NHLRC3: variants seen among roughly 807,000 people sequenced by gnomAD.
NHLRC3 encodes the protein NHL repeat containing 3.
In NHLRC3, 23 loss-of-function variants were observed where a neutral mutation model predicts 32.0. The ratio of observed to expected loss-of-function variants is 0.72; its 90% CI spans 0.52 to 1.02. The LOEUF is 1.02. Among genes scored for constraint, NHLRC3 ranks in the 50% least tolerant of loss-of-function variants. NHLRC3 has a pLI of 0.00. For missense variants in NHLRC3, 407 were observed against 406.8 expected, an observed-to-expected ratio of 1.00 and a Z score of -0.01; for synonymous variants, 159 against 147.9, an observed-to-expected ratio of 1.08 and a Z score of -0.55.
chr13:39,039,269 G>A lies in NHLRC3; in HGVS notation c.218G>A (p.Gly73Glu), dbSNP rs572098997. 2.5e-6 allele frequency: 4 copies of A among 1,613,968 alleles called. No individual in the cohort carries two copies. The highest frequency in any genetic ancestry group is 3.4e-6 in the Non-Finnish European group (4 of 1,179,862). Residue 73 changes from glycine to glutamate, a missense_variant, in exon 2 of 7, where the codon GGA (glycine) becomes GAA (glutamate). Physicochemically the swap from Gly to Glu is moderately conservative, Grantham distance 98. Coordinates refer to ENST00000379600, the MANE Select transcript of NHLRC3 (RefSeq NM_001012754.4). ...TGTGTTGCAGTTGACTCCCTCAATG[G>A]ATTGGTTTACATAGGTCAAGTAAGT... Reference protein sequence around the residue: ...TFCVAVDSLNGLVYIGQRGDN... With the variant: ...TFCVAVDSLNELVYIGQRGDN...
chr13:39,038,847 A>G (rs916064663), intron 1 of NHLRC3, 124 bp downstream of exon 1: 24 of 844,318 alleles, frequency 2.8e-5, no homozygotes, highest in South Asian at 2.8e-5. Context: ...CAAAGCCTGC[A>G]CCTGGGTCCA....
chr13:39,043,188 T>C (rs1456481321), intron 4 of NHLRC3, among the ~76,000 whole-genome samples: 7 of 150,108 alleles, frequency 4.7e-5, no homozygotes, highest in Non-Finnish European at 1.0e-4. Flanking sequence ...GAAAGGGAAA[T>C]GTAGAATAAG....
intron 2 of NHLRC3, 76 bp from the exon 3 acceptor site, chr13:39,039,484 GTTAT>G (rs1566032270): frequency 2.3e-6 from 3 of 1,328,812 alleles, no homozygotes; most frequent in Non-Finnish European, 3.1e-6. Context: ...AAAATTCTCA[GTTAT>G]TTTTTTTCTT....
At chr13:39,039,039 C>T (rs1029910617) in intron 1 of NHLRC3, 97 bp from the exon 2 acceptor site, 1 of 963,804 alleles carries the variant, frequency 1.0e-6, no homozygotes, top group East Asian at 2.4e-5. Context: ...GTTGTCAAGG[C>T]ATGCTTAAAA....
rs1871486900 is a variant in NHLRC3 at position 39,042,097 on chromosome 13, C to T, written c.386-8C>T. The T allele has an allele frequency of 6.6e-7, 1 of 1,523,818 alleles. No homozygotes were observed. Among genetic ancestry groups the T allele is most frequent in the Admixed American group, 1.7e-5 (1 of 59,784 alleles). 94.4% of individuals were successfully genotyped at this position (1,523,818 alleles called of 1,614,324 possible). On this transcript the variant is annotated splice_polypyrimidine_tract_variant and splice_region_variant and intron_variant, in intron 3 of 6. Coordinates refer to ENST00000379600, the MANE Select transcript of NHLRC3 (RefSeq NM_001012754.4). ...TTATTTGTGAGATGTACATATCTATCTTTATAGGATTCTTTGGTCATACTG... is the reference window on the plus strand; with the variant it reads ...TTATTTGTGAGATGTACATATCTATTTTTATAGGATTCTTTGGTCATACTG...
At chr13:39,047,537 TA>T in intron 6 of NHLRC3, 136 bp from the exon 7 acceptor site, 1 of 646,008 alleles carries the variant, frequency 1.5e-6, no homozygotes, top group Non-Finnish European at 2.6e-6. Context: ...TAGATCAAAT[TA>T]AAATTCTTCT....
intron 5 of NHLRC3, among the ~76,000 whole-genome samples, chr13:39,045,029 G>GTCTTGA (rs1290451527): frequency 2.0e-5 from 3 of 152,128 alleles, no homozygotes; most frequent in Non-Finnish European, 4.4e-5. Flanking sequence ...ATGACTAAAT[G>GTCTTGA]TCTTGACACA....
upstream of NHLRC3, chr13:39,038,319 G>A (rs575792886): frequency 2.5e-6 from 1 of 392,276 alleles, no homozygotes; most frequent in East Asian, 5.0e-5. Flanking sequence ...CCATACTTTG[G>A]TGGCCACTGA....
In NHLRC3 at chr13:39,038,475, C is replaced by A; in HGVS notation, c.-165C>A. ...ATTTTCATTCGCCCTGGTCTCTGTT[C>A]CCTTTCGTACTCAAAGCTCGTGCAT... is the stretch of plus-strand genomic sequence containing the variant. On this transcript the variant is annotated 5_prime_UTR_variant, in exon 1 of 7. Coordinates refer to ENST00000379600, the MANE Select transcript of NHLRC3 (RefSeq NM_001012754.4). 1.5e-6 allele frequency: 1 copy of A among 650,782 alleles called. No individual in the cohort carries two copies. Among genetic ancestry groups the A allele is most frequent in the Non-Finnish European group, 2.8e-6 (1 of 361,258 alleles). 40.3% of individuals were successfully genotyped at this position (650,782 alleles called of 1,614,324 possible).
chr13:39,040,666 A>G lies in NHLRC3; in HGVS notation c.385+955A>G, dbSNP rs544443089. 3.9e-5 allele frequency: 6 copies of G among 152,334 alleles called. No individual in the cohort carries two copies. In the South Asian group the frequency reaches 1.2e-3, roughly 32 times the overall value. The allele number at this position is 152,334 out of a possible 1,614,324, so 9.4% of individuals were successfully genotyped here. On this transcript the variant is annotated intron_variant, in intron 3 of 6. Transcript: ENST00000379600. ...CATTACCCTAGGAATTCAGGAAGAA[A>G]TGGGATTATAAAGACATTATTTCTA...
At chr13:39,046,097 A>G (rs899549851) in intron 5 of NHLRC3, among the ~76,000 whole-genome samples, 1 of 152,190 alleles carries the variant, frequency 6.6e-6, no homozygotes, top group African/African-American at 2.4e-5. Flanking sequence ...TGGGAGGCCA[A>G]GGTGGGCAGA....
In NHLRC3 at chr13:39,049,536, C is replaced by T. The variant is rs538419190; in HGVS notation, c.*1610C>T. 2.4e-4 allele frequency: 37 copies of T among 152,350 alleles called. No homozygotes were observed. Among genetic ancestry groups the T allele is most frequent in the African/African-American group, 8.7e-4 (36 of 41,586 alleles). 9.4% of individuals were successfully genotyped at this position (152,350 alleles called of 1,614,324 possible). A position where few individuals can be genotyped will look rare whatever the true frequency, so the allele number is the denominator to read the frequency against. On this transcript the variant is annotated 3_prime_UTR_variant, in exon 7 of 7. Transcript: ENST00000379600. ...GGATACATTAGAGGCATTTTATTAA[C>T]AAAGGCCCTTCTAAATGTGCTATTT...
At chr13:39,043,279 C>T (rs1871532192) in intron 4 of NHLRC3, among the ~76,000 whole-genome samples, 1 of 152,182 alleles carries the variant, frequency 6.6e-6, no homozygotes, top group African/African-American at 2.4e-5. Context: ...TATTAGTTTC[C>T]TGTGGTTGCC....
At chr13:39,040,952 A>G (rs11842216) in intron 3 of NHLRC3, 27 of 152,212 alleles carry the variant, frequency 1.8e-4, no homozygotes, top group African/African-American at 6.5e-4. Flanking sequence ...TTAATACTAT[A>G]ATGAGAGTCT....
At chr13:39,047,565 C>A in intron 6 of NHLRC3, 109 bp from the exon 7 acceptor site, 1 of 731,462 alleles carries the variant, frequency 1.4e-6, no homozygotes, top group Non-Finnish European at 2.2e-6. Flanking sequence ...AATCATTCAG[C>A]AAGTAGGTGC....
rs1025086821 is a variant in NHLRC3, at chr13:39,041,855, A to G, written c.386-250A>G. 1.9e-5 allele frequency: 8 copies of G among 413,582 alleles called. No individual in the cohort carries two copies. In the South Asian group the frequency reaches 2.8e-4, roughly 15 times the overall value. 25.6% of individuals were successfully genotyped at this position (413,582 alleles called of 1,614,324 possible). On this transcript the variant is annotated intron_variant, in intron 3 of 6. Transcript: ENST00000379600. Reference sequence around the variant, plus strand: ...TCTGAGTTTCCTGTATAATGAGTCAATTATGGGGATGTTATTTATTTGAAT... The same window carrying G: ...TCTGAGTTTCCTGTATAATGAGTCAGTTATGGGGATGTTATTTATTTGAAT...
At chr13:39,046,279 A>G (rs1218557430) in intron 5 of NHLRC3, among the ~76,000 whole-genome samples, 1 of 152,168 alleles carries the variant, frequency 6.6e-6, no homozygotes, top group Admixed American at 6.5e-5. Context: ...AGACTGCGCC[A>G]CTGCACTCCA....
rs199618630 is a variant in NHLRC3, at chr13:39,038,707, G to T, written c.68G>T (p.Arg23Leu). Residue 23 changes from arginine (R) to leucine (L), a missense_variant, in exon 1 of 7, where the codon CGT becomes CTT. Arg to Leu is a moderately radical substitution (Grantham distance 102). Coordinates refer to ENST00000379600, the MANE Select transcript of NHLRC3 (RefSeq NM_001012754.4). ...FFLAFLVLHS[R>L]FCGSPVLRNF... is the part of the protein sequence containing the mutation. ...CTTGCATTTTTGGTTTTGCATTCGC[G>T]TTTTTGTGGCTCTCCAGTGAGTTGG... 3.0e-5 allele frequency: 48 copies of T among 1,613,964 alleles called. No individual in the cohort carries two copies. In the Admixed American group the frequency reaches 6.8e-4, roughly 23 times the overall value.
rs2138147221 is a variant in NHLRC3, at chr13:39,038,587, G to A, written c.-53G>A. 2 of 1,493,582 alleles carry A rather than the reference G, an allele frequency of 1.3e-6. No individual in the cohort carries two copies. The highest frequency in any genetic ancestry group is 1.7e-4 in the Middle Eastern group (1 of 5,762). The allele number at this position is 1,493,582 out of a possible 1,614,324, so 92.5% of individuals were successfully genotyped here. ...AAACCGTTGCAGCCTGAGGCTGTCAGGTCCTCCCCCAGACACCTGCGGACC... is the reference window on the plus strand; with the variant it reads ...AAACCGTTGCAGCCTGAGGCTGTCAAGTCCTCCCCCAGACACCTGCGGACC... On this transcript the variant is annotated 5_prime_UTR_variant, in exon 1 of 7. Transcript: ENST00000379600.
Sources: gnomAD v4.1 joint callset for allele counts (sites outside exome capture counted in the v4.1 genomes callset) on GRCh38, gnomAD v4.1.1 for gene constraint, MANE v1.5 for transcripts, NCBI Gene and HGNC (gene_info 2026-07-23, HGNC 2026-07-21) for gene names.